Variants in SNX19 observed in about 807,000 individuals in gnomAD.
The protein encoded by SNX19 is sorting nexin-19.
Under a neutral mutation model 85.2 loss-of-function variants are expected in SNX19, and 60 were observed. The observed-to-expected ratio is 0.70, with a 90% CI of 0.57 to 0.87. SNX19 has a LOEUF of 0.87. SNX19 is among the 40% of genes least tolerant of loss of function. The pLI is 0.00. For missense variants in SNX19, 1,201 were observed against 1,217.8 expected (o/e 0.99, Z 0.21); for synonymous variants, 520 against 470.0 (o/e 1.11, Z -1.38).
intron 1 of SNX19, among the ~76,000 whole-genome samples, chr11:130,911,998 C>T (rs1170310081): frequency 6.6e-6 from 1 of 151,802 alleles, no homozygotes; most frequent in Admixed American, 6.5e-5. Context: ...AAAGCTCCCT[C>T]TCCCAGATAC....
chr11:130,891,995 G>C (rs6590524), intron 8 of SNX19, among the ~76,000 whole-genome samples: 90,528 of 151,164 alleles, frequency 0.6, 27,522 homozygotes, highest in South Asian at 0.73. Flanking sequence ...CATGCGCCAC[G>C]ATGCCCGGCA....
chr11:130,898,369 C>T (rs1368852), intron 8 of SNX19, among the ~76,000 whole-genome samples: 96,482 of 151,970 alleles, frequency 0.63, 30,901 homozygotes, highest in South Asian at 0.8. Context: ...CTGGTGACTA[C>T]AGCATCCCTG....
chr11:130,887,895 T>C (rs1176846053), intron 8 of SNX19, among the ~76,000 whole-genome samples: 1 of 152,166 alleles, frequency 6.6e-6, no homozygotes, highest in Non-Finnish European at 1.5e-5. Context: ...GCTTTTCTTT[T>C]AAAATGATGT....
chr11:130,914,148 C>G (rs931992185), intron 1 of SNX19, 118 bp downstream of exon 1: 6 of 772,748 alleles, frequency 7.8e-6, no homozygotes, highest in Non-Finnish European at 1.2e-5. Context: ...GAGATAGATG[C>G]CTATTGAAAG....
chr11:130,903,329 T>C lies in SNX19; in HGVS notation c.2499A>G (p.Thr833=), dbSNP rs1250855134. 9 of 1,613,770 alleles carry C rather than the reference T, an allele frequency of 5.6e-6. No homozygotes were observed. The highest frequency in any genetic ancestry group is 7.6e-6 in the Non-Finnish European group (9 of 1,179,934). The part of the protein sequence containing the change: ...TALDLLLLLL[T]EQWKWLCTEN... ...CGGTACATAGCCATTTCCACTGTTC[T>C]GTTAGTAGCAAGAGGAGCAGATCCA... Residue 833 remains threonine, a synonymous_variant, in exon 8 of 11, where the codon ACA becomes ACG. Coordinates refer to ENST00000265909, the MANE Select transcript of SNX19 (RefSeq NM_014758.3).
chr11:130,888,524 C>G (rs1944252601), intron 8 of SNX19, among the ~76,000 whole-genome samples: 2 of 152,170 alleles, frequency 1.3e-5, no homozygotes, highest in African/African-American at 4.8e-5. Context: ...AATGTAACTA[C>G]AACTGCATGC....
intron 8 of SNX19, chr11:130,894,626 T>C: frequency 1.0e-6 from 1 of 985,396 alleles, no homozygotes; most frequent in African/African-American, 1.7e-5. Context: ...AGAGAATTCC[T>C]GTGCCCACGC....
rs1946461867 is a variant in SNX19, at chr11:130,915,217, G to A, written c.723C>T (p.Leu241=). The change falls in exon 1 of 11, where the codon CTC becomes CTT. Residue 241 remains leucine, a synonymous_variant. Coordinates refer to ENST00000265909, the MANE Select transcript of SNX19 (RefSeq NM_014758.3). ...GTGGTAAGATTACATTGCATGTGAT[G>A]AGTTCGACCACTACATGGCGTCCGG... ...TRTGRHVVVE[L]ITCNVILPLI... The A allele has an allele frequency of 2.5e-6, 4 of 1,614,238 alleles. No homozygotes were observed. The highest frequency in any genetic ancestry group is 1.1e-5 in the South Asian group (1 of 91,090).
At chr11:130,900,423 G>A (rs1227373572) in intron 8 of SNX19, among the ~76,000 whole-genome samples, 3 of 152,228 alleles carry the variant, frequency 2.0e-5, no homozygotes, top group Admixed American at 6.5e-5. Flanking sequence ...TGTCTGCCAC[G>A]CAGCTGGAGC....
rs575761326 is a variant in SNX19 at position 130,894,635 on chromosome 11, G to A, written c.2573+8620C>T. The A allele has an allele frequency of 3.0e-3, 2,987 of 985,344 alleles. 66 individuals are homozygous for A. The African/African-American group carries it at 0.047, about 15-fold the overall frequency. The allele number at this position is 985,344 out of a possible 1,614,324, so 61.0% of individuals were successfully genotyped here. On this transcript the variant is annotated intron_variant, in intron 8 of 10. Transcript: ENST00000265909. The stretch of plus-strand genomic sequence containing the variant: ...CCATAGAGAGAATTCCTGTGCCCAC[G>A]CCATGCAGCAGCAGTTTGGTAGGCT...
At chr11:130,878,617 T>A in intron 10 of SNX19, 63 bp from the exon 11 acceptor site, 1 of 1,561,314 alleles carries the variant, frequency 6.4e-7, no homozygotes, top group East Asian at 2.3e-5. Context: ...ATCCTGTTTA[T>A]GACATTTATT....
intron 2 of SNX19, chr11:130,911,373 G>A: frequency 2.7e-6 from 3 of 1,091,668 alleles, no homozygotes; most frequent in Non-Finnish European, 2.3e-6. Flanking sequence ...ACAGGCACAG[G>A]TGGAAATGTG....
intron 2 of SNX19, among the ~76,000 whole-genome samples, chr11:130,910,717 C>G (rs1434306819): frequency 6.6e-6 from 1 of 152,128 alleles, no homozygotes; most frequent in Non-Finnish European, 1.5e-5. Context: ...ATTAAAAGAG[C>G]TAATACGTGT....
rs191426575 is a variant in SNX19, at chr11:130,894,990, C to T, written c.2573+8265G>A. ...AAGTGGTTTGTTCTAAGTCACATAG[C>T]CTCAAAGCAAGATCTGATTTCAGAT... On this transcript the variant is annotated intron_variant, in intron 8 of 10. Transcript: ENST00000265909. 1.1e-4 allele frequency: 113 copies of T among 985,334 alleles called. No homozygotes were observed. In the African/African-American group the frequency reaches 1.8e-3, roughly 16 times the overall value. The allele number at this position is 985,334 out of a possible 1,614,324, so 61.0% of individuals were successfully genotyped here.
At position 130,915,492 on chromosome 11, in the gene SNX19, C is replaced by T. The variant is rs1405536456; in HGVS notation, c.448G>A (p.Asp150Asn). 15 of 1,614,076 alleles carry T rather than the reference C, an allele frequency of 9.3e-6. No homozygotes were observed. Among genetic ancestry groups the T allele is most frequent in the Non-Finnish European group, 1.3e-5 (15 of 1,180,046 alleles). ...ACACTCTGGGCAACAGCATGACTGT[C>T]CATCACGCTCATCCTTCTCCGAAGC... ...QELRRRMSVM[D>N]SHAVAQSVLT... The change falls in exon 1 of 11, where the codon GAC (aspartate) becomes AAC (asparagine). Residue 150 changes from aspartate (D) to asparagine (N), a missense_variant. By Grantham distance (23) the Asp-to-Asn change is conservative. Around this residue, in one of 3 missense-constraint regions of SNX19, gnomAD observed 791 missense variants for 750.9 expected, o/e 1.05. Coordinates refer to ENST00000265909, the MANE Select transcript of SNX19 (RefSeq NM_014758.3).
chr11:130,906,098 A>G lies in SNX19; in HGVS notation c.2298T>C (p.Ser766=). ...GTAACTTTGTCTGTTTTTCAATAAAAGATTCCATCGCAGACATGGATAGAG... is the reference window on the plus strand; with the variant it reads ...GTAACTTTGTCTGTTTTTCAATAAAGGATTCCATCGCAGACATGGATAGAG... ...SETLSMSAME[S]FIEKQTKLLE... is the part of the protein sequence containing the mutation. The change falls in exon 7 of 11, where the codon TCT becomes TCC. Residue 766 remains serine (S), a synonymous_variant. Coordinates refer to ENST00000265909, the MANE Select transcript of SNX19 (RefSeq NM_014758.3). 6.2e-7 allele frequency: 1 copy of G among 1,614,168 alleles called. No individual in the cohort carries two copies. The highest frequency in any genetic ancestry group is 8.5e-7 in the Non-Finnish European group (1 of 1,180,032).
Position 130,914,695 on chromosome 11 carries a change from A to C in SNX19, c.1245T>G (p.Asp415Glu). ...CCTCTGCTCCTTCAGATGCCTCACCATCTTTGGGTTCCAGAGCCTGGGAAC... is the reference window on the plus strand; with the variant it reads ...CCTCTGCTCCTTCAGATGCCTCACCCTCTTTGGGTTCCAGAGCCTGGGAAC... ...LESSQALEPK[D>E]GEASEGAEAE... Residue 415 changes from aspartate to glutamate, a missense_variant, in exon 1 of 11, where the codon GAT becomes GAG. Asp to Glu is a conservative substitution (Grantham distance 45, BLOSUM62 2). Around this residue, in one of 3 missense-constraint regions of SNX19, gnomAD observed 791 missense variants for 750.9 expected, o/e 1.05. Transcript: ENST00000265909. 6.2e-7 allele frequency: 1 copy of C among 1,613,820 alleles called. No homozygotes were observed. Among genetic ancestry groups the C allele is most frequent in the Non-Finnish European group, 8.5e-7 (1 of 1,179,886 alleles).
chr11:130,915,030 T>A lies in SNX19; in HGVS notation c.910A>T (p.Arg304Ter). ...IAEVEQLPEG[R>*]ASPVAAPVFL... ...ACTGGGGCTGCTACTGGAGAAGCTCTCCCTTCTGGAAGCTGCTCTACCTCA... is the reference window on the plus strand; with the variant it reads ...ACTGGGGCTGCTACTGGAGAAGCTCACCCTTCTGGAAGCTGCTCTACCTCA... Residue 304 changes from arginine to a stop codon, truncating the protein, a stop_gained, in exon 1 of 11, where the codon AGA becomes TGA. Transcript: ENST00000265909. LOFTEE classifies it high-confidence loss of function. 1.2e-6 allele frequency: 2 copies of A among 1,614,110 alleles called. No homozygotes were observed. Among genetic ancestry groups the A allele is most frequent in the South Asian group, 1.1e-5 (1 of 91,066 alleles).
chr11:130,883,228 G>C (rs1277141252), intron 8 of SNX19, among the ~76,000 whole-genome samples: 1 of 152,122 alleles, frequency 6.6e-6, no homozygotes, highest in Non-Finnish European at 1.5e-5. Context: ...CATAAAAGTA[G>C]GAAAAGTAAA....
Sources: allele counts gnomAD v4.1 joint callset (sites outside exome capture counted in the v4.1 genomes callset), GRCh38; gene constraint gnomAD v4.1.1; regional missense constraint gnomAD v4.1.1; transcripts MANE v1.5; gene names NCBI Gene and HGNC (gene_info 2026-07-23, HGNC 2026-07-21).